Variants in TMC1 observed in about 807,000 individuals in gnomAD.
TMC1 encodes transmembrane channel-like protein 1.
TMC1 carries 84 observed loss-of-function variants against 105.8 expected under a neutral mutation model. The observed-to-expected ratio is 0.79, with a 90% CI of 0.67 to 0.95. The LOEUF (loss-of-function observed/expected upper bound fraction) is 0.95. Ranked by LOEUF, TMC1 falls within the 40% of genes least tolerant of loss-of-function variation. The pLI is 0.00. For synonymous variants in TMC1, 315 were observed against 311.5 expected (o/e 1.01, Z -0.12); for missense variants, 817 against 914.1 (o/e 0.89, Z 1.37).
chr9:72,798,817 T>G (rs1828417650), intron 17 of TMC1, among the ~76,000 whole-genome samples: 1 of 152,046 alleles, frequency 6.6e-6, no homozygotes, highest in Non-Finnish European at 1.5e-5. Flanking sequence ...AAGCTTCACA[T>G]GTACTACTAA....
chr9:72,740,187 C>T lies in TMC1; in HGVS notation c.431C>T (p.Ala144Val). Residue 144 changes from alanine (A) to valine (V), a missense_variant, in exon 9 of 24, where the codon GCA becomes GTA. Physicochemically the swap from Ala to Val is moderately conservative, Grantham distance 64. Transcript: ENST00000297784. ...AAAGGAAAAGGAAAACGGTGGTTTG[C>T]ATTTAAGATGATGATGGCCAAGGTA... Reference protein sequence around the residue: ...LGKGKGKRWFAFKMMMAKKWA... With the variant: ...LGKGKGKRWFVFKMMMAKKWA... The T allele has an allele frequency of 6.2e-7, 1 of 1,613,510 alleles. No homozygotes were observed. Among genetic ancestry groups the T allele is most frequent in the Non-Finnish European group, 8.5e-7 (1 of 1,179,698 alleles).
intron 1 of TMC1, among the ~76,000 whole-genome samples, chr9:72,539,120 C>G (rs1358318578): frequency 6.6e-6 from 1 of 151,814 alleles, no homozygotes; most frequent in Admixed American, 6.6e-5. Context: ...GTGACTCATG[C>G]CTGTGAGAGG....
chr9:72,827,903 G>C (rs559459462), intron 21 of TMC1, among the ~76,000 whole-genome samples: 1 of 152,330 alleles, frequency 6.6e-6, no homozygotes, highest in South Asian at 2.1e-4. Context: ...CCAGTGGTTT[G>C]CAGTAAATGA....
intron 13 of TMC1, 34 bp from the exon 14 acceptor site, chr9:72,788,305 T>A (rs1290686217): frequency 7.4e-6 from 12 of 1,613,650 alleles, no homozygotes; most frequent in Non-Finnish European, 1.0e-5. Flanking sequence ...TCTCATTTTT[T>A]CTGGCTGCTG....
chr9:72,722,517 G>T (rs1341037), intron 8 of TMC1, among the ~76,000 whole-genome samples: 35,224 of 151,998 alleles, frequency 0.23, 4,449 homozygotes, highest in East Asian at 0.38. Flanking sequence ...TCTTCTGTTA[G>T]GCAGCATTGT....
At chr9:72,523,556 G>A (rs1456965958) in intron 1 of TMC1, among the ~76,000 whole-genome samples, 1 of 152,128 alleles carries the variant, frequency 6.6e-6, no homozygotes. Flanking sequence ...TATATTTACT[G>A]TTCATTAAGG....
At chr9:72,698,845 T>A (rs1232646458) in intron 7 of TMC1, among the ~76,000 whole-genome samples, 1 of 152,068 alleles carries the variant, frequency 6.6e-6, no homozygotes, top group Non-Finnish European at 1.5e-5. Context: ...TTGGTAATAT[T>A]GGTGATAAGG....
intron 19 of TMC1, among the ~76,000 whole-genome samples, chr9:72,817,797 C>A (rs530012927): frequency 6.6e-6 from 1 of 152,244 alleles, no homozygotes; most frequent in Admixed American, 6.5e-5. Flanking sequence ...ACATGTTTTT[C>A]CAGTTCTCTC....
At chr9:72,688,058 T>C (rs1191126450) in intron 5 of TMC1, among the ~76,000 whole-genome samples, 1 of 152,134 alleles carries the variant, frequency 6.6e-6, no homozygotes, top group African/African-American at 2.4e-5. Flanking sequence ...AGATGCTGTA[T>C]GTGTTATGGG....
chr9:72,635,826 A>G (rs994392831), intron 4 of TMC1, among the ~76,000 whole-genome samples: 11 of 152,200 alleles, frequency 7.2e-5, no homozygotes, highest in African/African-American at 1.2e-4. Context: ...ATAAACCCAG[A>G]TGCTGTCATA....
intron 1 of TMC1, among the ~76,000 whole-genome samples, chr9:72,570,676 C>CTTTTTTTTTTTTTTTTTTT (rs529953890): frequency 1.3e-5 from 1 of 75,614 alleles, no homozygotes; most frequent in Non-Finnish European, 2.3e-5. Flanking sequence ...GCCAAATTTC[C>CTTTTTTTTTTTTTTTTTTT]TTTTTTTTTT....
intron 5 of TMC1, among the ~76,000 whole-genome samples, chr9:72,663,889 C>T (rs1055928110): frequency 2.6e-5 from 4 of 151,842 alleles, no homozygotes; most frequent in African/African-American, 7.3e-5. Flanking sequence ...TTCATTTTTT[C>T]CCTTTAAACT....
Position 72,526,898 on chromosome 9 carries a change from G to A in TMC1, c.-428+4985G>A, listed in dbSNP as rs7044245. On this transcript the variant is annotated intron_variant, in intron 1 of 23. Coordinates refer to ENST00000297784, the MANE Select transcript of TMC1 (RefSeq NM_138691.3). ...TCCAGAGTTGTGCACACCATGCAGT[G>A]TGGTCCACCTGCAGAAGCACACAAC... Among the ~76,000 whole-genome samples the A allele has an allele frequency of 3.1e-3, 468 of 152,354 alleles. 4 individuals are homozygous for A. The highest frequency in any genetic ancestry group is 0.011 in the African/African-American group (451 of 41,578).
intron 4 of TMC1, among the ~76,000 whole-genome samples, chr9:72,638,741 A>G (rs1301735247): frequency 6.6e-6 from 1 of 152,212 alleles, no homozygotes; most frequent in Non-Finnish European, 1.5e-5. Context: ...GGAGAGGGCT[A>G]GTGATGACTG....
intron 1 of TMC1, among the ~76,000 whole-genome samples, chr9:72,576,859 G>T (rs1824391085): frequency 6.6e-6 from 1 of 151,730 alleles, no homozygotes; most frequent in African/African-American, 2.4e-5. Flanking sequence ...TGGATCTCCT[G>T]ACCTCGTGAT....
chr9:72,578,965 T>A (rs543339693), intron 2 of TMC1, among the ~76,000 whole-genome samples: 2 of 152,274 alleles, frequency 1.3e-5, no homozygotes, highest in South Asian at 2.1e-4. Flanking sequence ...TGTGGTTGGA[T>A]TGGGGAGAGT....
chr9:72,603,287 T>C (rs1824849428), intron 2 of TMC1, among the ~76,000 whole-genome samples: 1 of 152,064 alleles, frequency 6.6e-6, no homozygotes, highest in Non-Finnish European at 1.5e-5. Context: ...GGCTTTTTTA[T>C]TGCTTAGTTT....
chr9:72,783,273 G>T (rs528548045), intron 13 of TMC1, among the ~76,000 whole-genome samples: 3 of 152,274 alleles, frequency 2.0e-5, no homozygotes, highest in African/African-American at 7.2e-5. Context: ...CTCAGTCTGA[G>T]TCCAAAAGCC....
intron 13 of TMC1, among the ~76,000 whole-genome samples, chr9:72,778,736 C>T (rs1350599792): frequency 1.3e-5 from 2 of 152,194 alleles, no homozygotes; most frequent in South Asian, 2.1e-4. Flanking sequence ...CTGAGTGCCT[C>T]CCTTGTCTGC....
Sources: allele counts gnomAD v4.1 joint callset (sites outside exome capture counted in the v4.1 genomes callset), GRCh38; gene constraint gnomAD v4.1.1; transcripts MANE v1.5; gene names NCBI Gene and HGNC (gene_info 2026-07-23, HGNC 2026-07-21).